Variants in ATP8A2 observed in about 807,000 individuals in gnomAD.
ATP8A2 encodes phospholipid-transporting ATPase IB.
A neutral mutation model predicts 165.6 loss-of-function variants in ATP8A2; 100 were observed. That is an observed-to-expected ratio of 0.60 (90% CI 0.51 to 0.71). The LOEUF (loss-of-function observed/expected upper bound fraction) is 0.71, where lower values mean the gene tolerates loss of function less well. Ranked by LOEUF, ATP8A2 falls within the 30% of genes least tolerant of loss-of-function variation. ATP8A2 has a pLI of 0.00. For synonymous variants in ATP8A2, 543 were observed against 548.8 expected, an observed-to-expected ratio of 0.99 and a Z score of 0.15; for missense variants, 1,227 against 1,479.5, an observed-to-expected ratio of 0.83 and a Z score of 2.80.
At chr13:25,605,892 G>A (rs2040504172) in intron 24 of ATP8A2, among the ~76,000 whole-genome samples, 1 of 152,122 alleles carries the variant, frequency 6.6e-6, no homozygotes, top group African/African-American at 2.4e-5. Context: ...AGGCTCCTAG[G>A]TCAAGAGAAA....
intron 27 of ATP8A2, among the ~76,000 whole-genome samples, chr13:25,822,485 A>T (rs1401560094): frequency 6.6e-6 from 1 of 152,186 alleles, no homozygotes; most frequent in Non-Finnish European, 1.5e-5. Context: ...GATAAGAAAA[A>T]CAGTTATATC....
rs552113874 is a variant in ATP8A2 at position 25,741,129 on chromosome 13, A to C, written c.2385-27917A>C. Among the ~76,000 whole-genome samples, 48 of 152,342 alleles carry C rather than the reference A, an allele frequency of 3.2e-4. 2 individuals are homozygous for C. In the South Asian group the frequency reaches 9.9e-3, roughly 32 times the overall value. On this transcript the variant is annotated intron_variant, in intron 25 of 36. Transcript: ENST00000381655. ...GAGTTCTCAAATTTAGTTTTATCGG[A>C]AAAATCTTTGTTTGAGAAAATTAAT...
chr13:25,579,779 G>A lies in ATP8A2; in HGVS notation c.1868-29G>A, dbSNP rs115015702. On this transcript the variant is annotated intron_variant, in intron 21 of 36. Transcript: ENST00000381655. ...CCCTAGGAGGTCACGCGTTCTGCCT[G>A]CCTCCATTCACCAGTGGCTGTCTTG... The A allele has an allele frequency of 2.9e-4, 463 of 1,609,448 alleles. 2 individuals are homozygous for A. The African/African-American group carries it at 5.4e-3, about 19-fold the overall frequency.
intron 8 of ATP8A2, among the ~76,000 whole-genome samples, chr13:25,540,959 T>C (rs1007372236): frequency 8.6e-5 from 13 of 151,976 alleles, no homozygotes; most frequent in Admixed American, 3.3e-4. Flanking sequence ...CCTCCCGGGT[T>C]CAAGCGATTC....
intron 33 of ATP8A2, among the ~76,000 whole-genome samples, chr13:25,921,188 G>C (rs1481956367): frequency 6.6e-6 from 1 of 152,146 alleles, no homozygotes; most frequent in Non-Finnish European, 1.5e-5. Flanking sequence ...TAAAAGCAAT[G>C]ACTCAGGAAT....
At chr13:25,373,760 G>C (rs1017410671) in intron 1 of ATP8A2, among the ~76,000 whole-genome samples, 4 of 152,208 alleles carry the variant, frequency 2.6e-5, no homozygotes, top group African/African-American at 9.6e-5. Flanking sequence ...GGTCTGAAAT[G>C]CCTACCATAG....
intron 25 of ATP8A2, among the ~76,000 whole-genome samples, chr13:25,762,950 TAACTC>T (rs1329061229): frequency 6.6e-6 from 1 of 152,206 alleles, no homozygotes; most frequent in African/African-American, 2.4e-5. Flanking sequence ...GAAAGAATGT[TAACTC>T]AAGTCACATG....
chr13:26,013,048 C>T (rs1956882594), intron 36 of ATP8A2, among the ~76,000 whole-genome samples: 1 of 152,156 alleles, frequency 6.6e-6, no homozygotes, highest in South Asian at 2.1e-4. Context: ...ACGTCTAAGC[C>T]TGGCGTCCCC....
At chr13:25,568,939 AT>A (rs1347608108) in intron 16 of ATP8A2, among the ~76,000 whole-genome samples, 1 of 152,158 alleles carries the variant, frequency 6.6e-6, no homozygotes, top group African/African-American at 2.4e-5. Flanking sequence ...TTATTTTAGG[AT>A]TTAAAAAAAA....
chr13:26,010,433 C>T lies in ATP8A2; in HGVS notation c.3378-2098C>T, dbSNP rs149394842. Among the ~76,000 whole-genome samples, 510 of 152,332 alleles carry T rather than the reference C, an allele frequency of 3.3e-3. 1 individual carries two copies. The highest frequency in any genetic ancestry group is 0.011 in the African/African-American group (446 of 41,574). On this transcript the variant is annotated intron_variant, in intron 35 of 36. Transcript: ENST00000381655. ...TTCTGAGAAAATAATGTGTCAGTTG[C>T]CCATTATGTCCCCATGTGGGGCCTG...
intron 25 of ATP8A2, among the ~76,000 whole-genome samples, chr13:25,737,822 T>A (rs901740862): frequency 1.6e-4 from 24 of 152,168 alleles, no homozygotes; most frequent in Admixed American, 6.5e-4. Flanking sequence ...AGCTGGGACT[T>A]CAGGCGCCTG....
chr13:25,983,053 G>A (rs1402742283), intron 35 of ATP8A2, among the ~76,000 whole-genome samples: 2 of 152,156 alleles, frequency 1.3e-5, no homozygotes, highest in East Asian at 3.8e-4. Context: ...ACCATGTTTA[G>A]GTTTTATGTT....
At chr13:25,502,768 T>G (rs2036895385) in intron 2 of ATP8A2, among the ~76,000 whole-genome samples, 1 of 152,194 alleles carries the variant, frequency 6.6e-6, no homozygotes, top group Non-Finnish European at 1.5e-5. Context: ...GCTGTTGTAC[T>G]TGGCACTGCA....
Position 25,980,226 on chromosome 13 carries a change from G to A in ATP8A2, c.3377+11547G>A, listed in dbSNP as rs184872230. Among the ~76,000 whole-genome samples, 230 of 152,312 alleles carry A rather than the reference G, an allele frequency of 1.5e-3. 1 individual carries two copies. Among genetic ancestry groups the A allele is most frequent in the African/African-American group, 5.4e-3 (225 of 41,562 alleles). Reference sequence around the variant, plus strand: ...GTCTTACGGCCTCCTCTCAGGGAAGGAAGGTCAGTGAGCACCTTCATGACT... The same window carrying A: ...GTCTTACGGCCTCCTCTCAGGGAAGAAAGGTCAGTGAGCACCTTCATGACT... On this transcript the variant is annotated intron_variant, in intron 35 of 36. Transcript: ENST00000381655.
intron 25 of ATP8A2, among the ~76,000 whole-genome samples, chr13:25,731,855 C>T (rs2043655266): frequency 6.6e-6 from 1 of 152,212 alleles, no homozygotes; most frequent in African/African-American, 2.4e-5. Context: ...GTCTTGCTAA[C>T]ATCCACATTT....
At chr13:25,926,639 C>T (rs946952181) in intron 33 of ATP8A2, among the ~76,000 whole-genome samples, 1 of 151,914 alleles carries the variant, frequency 6.6e-6, no homozygotes, top group African/African-American at 2.4e-5. Flanking sequence ...ATCATGTCCC[C>T]AAAATAAGCT....
intron 25 of ATP8A2, among the ~76,000 whole-genome samples, chr13:25,727,255 T>G (rs536904279): frequency 5.9e-5 from 9 of 152,312 alleles, no homozygotes; most frequent in African/African-American, 1.9e-4. Flanking sequence ...TTTGGTAGTC[T>G]TGGAAATATT....
At chr13:25,783,776 T>C (rs1310253085) in intron 27 of ATP8A2, among the ~76,000 whole-genome samples, 1 of 152,170 alleles carries the variant, frequency 6.6e-6, no homozygotes, top group East Asian at 1.9e-4. Flanking sequence ...GTGATAAATG[T>C]CAGCAATTAG....
rs191547282 is a variant in ATP8A2, at chr13:25,959,585, G to A, written c.3184-1990G>A. 2.0e-5 allele frequency among the ~76,000 whole-genome samples: 3 copies of A among 152,346 alleles called. 1 individual carries two copies. Among genetic ancestry groups the A allele is most frequent in the Admixed American group, 2.0e-4 (3 of 15,306 alleles). On this transcript the variant is annotated intron_variant, in intron 33 of 36. Transcript: ENST00000381655. ...TGACACCTTCAAGTTTAATTTTGAA[G>A]CTTGGGCCAGTGGTGCTTCCTTTCC...
Sources: gnomAD v4.1 joint callset for allele counts (sites outside exome capture counted in the v4.1 genomes callset) on GRCh38, gnomAD v4.1.1 for gene constraint, MANE v1.5 for transcripts, NCBI Gene and HGNC (gene_info 2026-07-23, HGNC 2026-07-21) for gene names.